MMACHC: variants seen among roughly 807,000 people sequenced by gnomAD.
MMACHC encodes cyanocobalamin reductase / alkylcobalamin dealkylase.
MMACHC carries 14 observed loss-of-function variants against 17.6 expected under a neutral mutation model. The ratio of observed to expected loss-of-function variants is 0.80; its 90% CI spans 0.53 to 1.25. The LOEUF (loss-of-function observed/expected upper bound fraction) is 1.25. Among genes scored for constraint, MMACHC ranks in the 50% most tolerant of loss-of-function variants. MMACHC has a pLI of 0.00. For missense variants in MMACHC, 392 were observed against 364.5 expected, an observed-to-expected ratio of 1.08 and a Z score of -0.62; for synonymous variants, 151 against 142.1, an observed-to-expected ratio of 1.06 and a Z score of -0.45.
intron 1 of MMACHC, among the ~76,000 whole-genome samples, chr1:45,506,809 C>T (rs1643627607): frequency 1.3e-5 from 2 of 151,468 alleles, no homozygotes; most frequent in African/African-American, 4.8e-5. Flanking sequence ...TTCATTGGTT[C>T]ATTTGTAGTT....
chr1:45,504,341 A>G (rs1570825009), intron 1 of MMACHC, among the ~76,000 whole-genome samples: 1 of 152,118 alleles, frequency 6.6e-6, no homozygotes, highest in Non-Finnish European at 1.5e-5. Context: ...ACTTGAACCC[A>G]GGAGGCAGAG....
At chr1:45,501,186 T>C (rs1643539471) in intron 1 of MMACHC, among the ~76,000 whole-genome samples, 1 of 152,188 alleles carries the variant, frequency 6.6e-6, no homozygotes, top group Non-Finnish European at 1.5e-5. Context: ...TCATGATATT[T>C]CCAGTCATCA....
chr1:45,504,700 A>C (rs1275472015), intron 1 of MMACHC, among the ~76,000 whole-genome samples: 1 of 152,150 alleles, frequency 6.6e-6, no homozygotes, highest in Non-Finnish European at 1.5e-5. Flanking sequence ...ACTCTAGCCT[A>C]GGTGACAAAG....
rs1643790930 is a variant in MMACHC at position 45,513,299 on chromosome 1, A to T, written c.*4084A>T. 6.6e-6 allele frequency: 1 copy of T among 152,216 alleles called. No individual in the cohort carries two copies. The highest frequency in any genetic ancestry group is 1.5e-5 in the Non-Finnish European group (1 of 68,046). The allele number at this position is 152,216 out of a possible 1,614,324, so 9.4% of individuals were successfully genotyped here. On this transcript the variant is annotated 3_prime_UTR_variant, in exon 4 of 4. Coordinates refer to ENST00000401061, the MANE Select transcript of MMACHC (RefSeq NM_015506.3). Reference sequence around the variant, plus strand: ...GAGATCATCCTACATTCAGTAAGTTAGATCTTTGGGAGTGACTGATTCTAA... The same window carrying T: ...GAGATCATCCTACATTCAGTAAGTTTGATCTTTGGGAGTGACTGATTCTAA...
intron 1 of MMACHC, among the ~76,000 whole-genome samples, chr1:45,501,286 C>T (rs1643541521): frequency 1.3e-5 from 2 of 152,200 alleles, no homozygotes; most frequent in South Asian, 4.1e-4. Flanking sequence ...GGTTACATTT[C>T]CCCACATCAG....
chr1:45,505,509 G>C (rs1312588413), intron 1 of MMACHC, among the ~76,000 whole-genome samples: 1 of 151,928 alleles, frequency 6.6e-6, no homozygotes, highest in East Asian at 2.0e-4. Context: ...ACCCAGGCTG[G>C]TCTAAAACTC....
rs746316271 is a variant in MMACHC, at chr1:45,511,161, G to T, written c.*1946G>T. The T allele has an allele frequency of 1.7e-6, 1 of 592,820 alleles. No individual in the cohort carries two copies. The highest frequency in any genetic ancestry group is 2.9e-6 in the Non-Finnish European group (1 of 340,790). The allele number at this position is 592,820 out of a possible 1,614,324, so 36.7% of individuals were successfully genotyped here. On this transcript the variant is annotated 3_prime_UTR_variant, in exon 4 of 4. Transcript: ENST00000401061. ...GCCAACTCAGGCCATTCCTACCAAA[G>T]GAAGAAAGGCTGGTCTCTCCACCCC...
chr1:45,509,319 T>G lies in MMACHC; in HGVS notation c.*104T>G. On this transcript the variant is annotated 3_prime_UTR_variant, in exon 4 of 4. Transcript: ENST00000401061. Reference sequence around the variant, plus strand: ...TACAAGATTACTATTTTTGATAATATAGTAGAGATCTTCCATGAAGATAAC... The same window carrying G: ...TACAAGATTACTATTTTTGATAATAGAGTAGAGATCTTCCATGAAGATAAC... 1 of 1,348,062 alleles carries G rather than the reference T, an allele frequency of 7.4e-7. No homozygotes were observed. The highest frequency in any genetic ancestry group is 2.3e-5 in the East Asian group (1 of 42,748). 83.5% of individuals were successfully genotyped at this position (1,348,062 alleles called of 1,614,324 possible).
chr1:45,509,416 G>GGTTTT lies in MMACHC; in HGVS notation c.*201_*202insGTTTT, dbSNP rs764756648. On this transcript the variant is annotated 3_prime_UTR_variant, in exon 4 of 4. Coordinates refer to ENST00000401061, the MANE Select transcript of MMACHC (RefSeq NM_015506.3). Reference sequence around the variant, plus strand: ...AGAATTCCCATCTGCCTTCAAATGAGTTTTTTTTTTTTTTTTAGACAGAGT... The same window carrying GGTTTT: ...AGAATTCCCATCTGCCTTCAAATGAGGTTTTTTTTTTTTTTTTTTTTAGACAGAGT... 2.0e-5 allele frequency: 8 copies of GGTTTT among 391,734 alleles called. No individual in the cohort carries two copies. Among genetic ancestry groups the GGTTTT allele is most frequent in the Admixed American group, 4.8e-5 (1 of 20,868 alleles). The allele number at this position is 391,734 out of a possible 1,614,324, so 24.3% of individuals were successfully genotyped here.
chr1:45,502,767 C>T (rs1009870481), intron 1 of MMACHC, among the ~76,000 whole-genome samples: 4 of 149,436 alleles, frequency 2.7e-5, no homozygotes, highest in African/African-American at 4.9e-5. Flanking sequence ...TGCAATGGTG[C>T]GATCTCAGCT....
chr1:45,508,796 CGCATATCAGGTGTGT>C lies in MMACHC; in HGVS notation c.436_450del (p.Ser146_Ile150del), dbSNP rs747550590. Reference sequence around the variant, plus strand: ...TTGCTTTTCTTCACCCTCTCCCCAGCGCATATCAGGTGTGTGCATACACCCCCGATTTGGGGGCTG... The same window carrying C: ...TTGCTTTTCTTCACCCTCTCCCCAGCGCATACACCCCCGATTTGGGGGCTG... On this transcript the variant is annotated inframe_deletion and splice_region_variant, in exon 4 of 4. Coordinates refer to ENST00000401061, the MANE Select transcript of MMACHC (RefSeq NM_015506.3). 1 of 1,613,434 alleles carries C rather than the reference CGCATATCAGGTGTGT, an allele frequency of 6.2e-7. No homozygotes were observed. Among genetic ancestry groups the C allele is most frequent in the Non-Finnish European group, 8.5e-7 (1 of 1,179,614 alleles).
chr1:45,509,021 CAGA>C lies in MMACHC; in HGVS notation c.658_660del (p.Lys220del), dbSNP rs398124296. 38 of 1,614,180 alleles carry C rather than the reference CAGA, an allele frequency of 2.4e-5. No homozygotes were observed. In the African/African-American group the frequency reaches 3.3e-4, roughly 14 times the overall value. On this transcript the variant is annotated inframe_deletion, in exon 4 of 4. Coordinates refer to ENST00000401061, the MANE Select transcript of MMACHC (RefSeq NM_015506.3). ...ACCCCAGGAGCGCTACTCAGAAGAG[CAGA>C]AGGCCTACTTCTCCACTCCACCTGC...
intron 2 of MMACHC, among the ~76,000 whole-genome samples, chr1:45,507,949 A>G (rs958210262): frequency 3.3e-5 from 5 of 152,210 alleles, no homozygotes; most frequent in East Asian, 1.9e-4. Context: ...ACATATACAC[A>G]TAACTATGTA....
Position 45,511,276 on chromosome 1 carries a change from G to C in MMACHC, c.*2061G>C. ...TAATGGAAAAAAAAAATACAGAAGA[G>C]GTTTTGTTCTCATGGCTGCCCACCG... On this transcript the variant is annotated 3_prime_UTR_variant, in exon 4 of 4. Transcript: ENST00000401061. The C allele has an allele frequency of 1.4e-6, 2 of 1,403,070 alleles. No homozygotes were observed. Among genetic ancestry groups the C allele is most frequent in the Non-Finnish European group, 2.0e-6 (2 of 1,022,958 alleles). The allele number at this position is 1,403,070 out of a possible 1,614,324, so 86.9% of individuals were successfully genotyped here.
chr1:45,507,574 C>T, intron 2 of MMACHC, 24 bp downstream of exon 2: 6 of 1,613,312 alleles, frequency 3.7e-6, no homozygotes, highest in Non-Finnish European at 5.1e-6. Context: ...AGTTTTCCCC[C>T]AGCTCCCAAA....
chr1:45,502,160 C>G (rs1007811812), intron 1 of MMACHC, among the ~76,000 whole-genome samples: 2 of 152,186 alleles, frequency 1.3e-5, no homozygotes, highest in South Asian at 2.1e-4. Context: ...CCAGCCTTCT[C>G]TCCCTCTGAT....
At position 45,512,297 on chromosome 1, in the gene MMACHC, G is replaced by A. The variant is rs930588381; in HGVS notation, c.*3082G>A. ...TTGTCGCCCAGGCTGGAGTGCAGTG[G>A]CGCGATCTCAGCTCACTGCAAGCTC... On this transcript the variant is annotated 3_prime_UTR_variant, in exon 4 of 4. Transcript: ENST00000401061. 43 of 151,164 alleles carry A rather than the reference G, an allele frequency of 2.8e-4. 1 individual carries two copies. The highest frequency in any genetic ancestry group is 9.7e-4 in the African/African-American group (40 of 41,334). The allele number at this position is 151,164 out of a possible 1,614,324, so 9.4% of individuals were successfully genotyped here.
chr1:45,503,048 T>C (rs2149321952), intron 1 of MMACHC, among the ~76,000 whole-genome samples: 1 of 152,210 alleles, frequency 6.6e-6, no homozygotes, highest in South Asian at 2.1e-4. Context: ...TATCTGACCC[T>C]GTCATTGCAC....
intron 2 of MMACHC, 62 bp from the exon 3 acceptor site, chr1:45,508,150 C>T (rs1470279431): frequency 6.3e-7 from 1 of 1,593,592 alleles, no homozygotes; most frequent in East Asian, 2.2e-5. Context: ...CTAGGGCTCC[C>T]TCGGACAAGG....
Sources: gnomAD v4.1 joint callset for allele counts (sites outside exome capture counted in the v4.1 genomes callset) on GRCh38, gnomAD v4.1.1 for gene constraint, MANE v1.5 for transcripts, NCBI Gene and HGNC (gene_info 2026-07-23, HGNC 2026-07-21) for gene names.